The following LMNB2 variants were observed in gnomAD, a reference collection of about 807,000 sequenced individuals.
LMNB2 encodes lamin-B2.
Under a neutral mutation model 69.3 loss-of-function variants are expected in LMNB2, and 17 were observed. The ratio of observed to expected loss-of-function variants is 0.25; its 90% CI spans 0.17 to 0.37. The LOEUF is 0.37. LMNB2 is among the 10% of genes least tolerant of loss of function. The pLI, the probability that LMNB2 is intolerant of heterozygous loss-of-function variation, is 1.00. For missense variants in LMNB2, 789 were observed against 883.6 expected, an observed-to-expected ratio of 0.89 and a Z score of 1.36; for synonymous variants, 397 against 389.3, an observed-to-expected ratio of 1.02 and a Z score of -0.23.
At chr19:2,432,851 G>A (rs1235637318) in intron 8 of LMNB2, among the ~76,000 whole-genome samples, 8 of 56,324 alleles carry the variant, frequency 1.4e-4, no homozygotes, top group South Asian at 8.0e-4. Flanking sequence ...GGGTCACCCC[G>A]TTACCCCCAT....
rs779868941 is a variant in LMNB2 at position 2,433,833 on chromosome 19, G to A, written c.1475C>T (p.Ser492Leu). ...EGKFVQLKNN[S>L]DKDQSLGNWR... ...CCCGGTCTTTCCGGTCACCTTGTCC[G>A]AGTTGTTCTTGAGCTGCACAAACTT... The change falls in exon 8 of 12, where the codon TCG becomes TTG. Residue 492 changes from serine to leucine, a missense_variant. Physicochemically the swap from Ser to Leu is moderately radical, Grantham distance 145. This residue lies in a region of LMNB2 where 609 missense variants were observed against 630.9 expected (regional missense o/e 0.97). Coordinates refer to ENST00000325327, the MANE Select transcript of LMNB2 (RefSeq NM_032737.4). The A allele has an allele frequency of 5.6e-6, 9 of 1,611,332 alleles. No individual in the cohort carries two copies. The highest frequency in any genetic ancestry group is 2.2e-5 in the East Asian group (1 of 44,848).
Position 2,430,945 on chromosome 19 carries a change from G to T in LMNB2, c.1829C>A (p.Pro610Gln), listed in dbSNP as rs746824767. The T allele has an allele frequency of 6.2e-7, 1 of 1,609,200 alleles. No individual in the cohort carries two copies. Among genetic ancestry groups the T allele is most frequent in the Non-Finnish European group, 8.5e-7 (1 of 1,175,868 alleles). The change falls in exon 12 of 12, where the codon CCG (proline) becomes CAG (glutamine). Residue 610 changes from proline (P) to glutamine (Q), a missense_variant. Pro to Gln is a moderately conservative substitution (Grantham distance 76, BLOSUM62 -1). Transcript: ENST00000325327. Reference sequence around the variant, plus strand: ...GTAGCAGCCTCTTGAGGTGGTCCTCGGGTCCCCCTGCAGGAAGGAAGGAAG... The same window carrying T: ...GTAGCAGCCTCTTGAGGTGGTCCTCTGGTCCCCCTGCAGGAAGGAAGGAAG... ...EEDLFHQQGD[P>Q]RTTSRGCYVM
rs929071750 is a variant in LMNB2, at chr19:2,444,692, T to A, written c.265-152A>T. ...CCTGGGGACACTGGGACACCCTGTG[T>A]TGCCCATCTCACAGACACAGCAAAG... On this transcript the variant is annotated intron_variant, in intron 1 of 11. Coordinates refer to ENST00000325327, the MANE Select transcript of LMNB2 (RefSeq NM_032737.4). 16 of 1,053,870 alleles carry A rather than the reference T, an allele frequency of 1.5e-5. No individual in the cohort carries two copies. In the Admixed American group the frequency reaches 3.1e-4, roughly 20 times the overall value. The allele number at this position is 1,053,870 out of a possible 1,614,324, so 65.3% of individuals were successfully genotyped here. A position where few individuals can be genotyped will look rare whatever the true frequency, so the allele number is the denominator to read the frequency against.
At chr19:2,436,750 TCCACGGCCGCCCTTCCGCCC>T (rs1211029957) in intron 4 of LMNB2, 16 of 152,944 alleles carry the variant, frequency 1.0e-4, no homozygotes, top group South Asian at 6.9e-4. Context: ...CGCACCCACC[TCCACGGCCGCCCTTCCGCCC>T]CCACGGCCGC....
chr19:2,448,890 C>T (rs1023566829), intron 1 of LMNB2, among the ~76,000 whole-genome samples: 1 of 152,084 alleles, frequency 6.6e-6, no homozygotes, highest in African/African-American at 2.4e-5. Flanking sequence ...CTTACTGCAC[C>T]TTTCTTGTGT....
intron 1 of LMNB2, among the ~76,000 whole-genome samples, chr19:2,450,549 G>A (rs977847119): frequency 2.0e-5 from 3 of 151,430 alleles, no homozygotes; most frequent in Non-Finnish European, 4.4e-5. Context: ...AGGCTGAGGC[G>A]GGCAGATCAC....
rs1293095675 is a variant in LMNB2, at chr19:2,438,650, C to T, written c.402-119G>A. Reference sequence around the variant, plus strand: ...GTCACCGAGGCCTCCGAGCCCCAGACCTTCCCGTCCTGCAGACGACGCGGC... The same window carrying T: ...GTCACCGAGGCCTCCGAGCCCCAGATCTTCCCGTCCTGCAGACGACGCGGC... On this transcript the variant is annotated intron_variant, in intron 2 of 11. Transcript: ENST00000325327. The T allele has an allele frequency of 4.8e-6, 6 of 1,251,808 alleles. No individual in the cohort carries two copies. In the Admixed American group the frequency reaches 1.2e-4, roughly 25 times the overall value. 77.5% of individuals were successfully genotyped at this position (1,251,808 alleles called of 1,614,324 possible). A position where few individuals can be genotyped will look rare whatever the true frequency, so the allele number is the denominator to read the frequency against.
chr19:2,450,135 T>TATATATATATATA (rs1568208688), intron 1 of LMNB2, among the ~76,000 whole-genome samples: 1 of 151,314 alleles, frequency 6.6e-6, no homozygotes, highest in African/African-American at 2.4e-5. Flanking sequence ...TATATATATA[T>TATATATATATATA]TCCATTAAAA....
rs934584811 is a variant in LMNB2, at chr19:2,429,350, C to T, written c.*1561G>A. 1 of 152,428 alleles carries T rather than the reference C, an allele frequency of 6.6e-6. No individual in the cohort carries two copies. The highest frequency in any genetic ancestry group is 6.5e-5 in the Admixed American group (1 of 15,314). The allele number at this position is 152,428 out of a possible 1,614,324, so 9.4% of individuals were successfully genotyped here. A position where few individuals can be genotyped will look rare whatever the true frequency, so the allele number is the denominator to read the frequency against. On this transcript the variant is annotated 3_prime_UTR_variant, in exon 12 of 12. Transcript: ENST00000325327. ...CTGACTGGGAGCACAGCGGCGTAGC[C>T]TCCAGGAGGAAATGCTTTGGTAAGA...
At chr19:2,442,204 C>G (rs1971907119) in intron 2 of LMNB2, among the ~76,000 whole-genome samples, 1 of 152,104 alleles carries the variant, frequency 6.6e-6, no homozygotes, top group Non-Finnish European at 1.5e-5. Context: ...ATACCTATAC[C>G]CAGTGCTTTG....
intron 6 of LMNB2, 27 bp downstream of exon 6, chr19:2,434,761 G>T: frequency 6.3e-7 from 1 of 1,588,830 alleles, no homozygotes; most frequent in South Asian, 1.1e-5. Flanking sequence ...CCAGGGGGAC[G>T]GCAGACGGTG....
intron 2 of LMNB2, among the ~76,000 whole-genome samples, chr19:2,440,151 T>A (rs890722998): frequency 6.6e-6 from 1 of 151,918 alleles, no homozygotes; most frequent in Non-Finnish European, 1.5e-5. Flanking sequence ...TTTATCTATA[T>A]AATCTATGTC....
Position 2,456,923 on chromosome 19 carries a change from G to T in LMNB2, c.11C>A (p.Pro4Gln). The T allele has an allele frequency of 3.0e-6, 3 of 994,224 alleles. No individual in the cohort carries two copies. The highest frequency in any genetic ancestry group is 1.8e-5 in the African/African-American group (1 of 56,722). The allele number at this position is 994,224 out of a possible 1,614,324, so 61.6% of individuals were successfully genotyped here. MSP[P>Q]SPGRRREQRR... ...CTGCTCCCGACGGCGGCCCGGGCTCGGCGGGCTCATTCAATCCGCGCCGCC... is the reference window on the plus strand; with the variant it reads ...CTGCTCCCGACGGCGGCCCGGGCTCTGCGGGCTCATTCAATCCGCGCCGCC... Residue 4 changes from proline to glutamine, a missense_variant, in exon 1 of 12, where the codon CCG becomes CAG. Pro to Gln is a moderately conservative substitution (Grantham distance 76). Around this residue, in one of 3 missense-constraint regions of LMNB2, gnomAD observed 35 missense variants for 23.9 expected, o/e 1.47. Coordinates refer to ENST00000325327, the MANE Select transcript of LMNB2 (RefSeq NM_032737.4).
At chr19:2,436,823 T>A (rs554849269) in intron 4 of LMNB2, 1 of 152,934 alleles carries the variant, frequency 6.5e-6, no homozygotes, top group Non-Finnish European at 1.5e-5. Flanking sequence ...CAGGCCTGCA[T>A]CATCAAGCTC....
At chr19:2,432,624 C>T in intron 8 of LMNB2, 101 bp from the exon 9 acceptor site, 1 of 943,412 alleles carries the variant, frequency 1.1e-6, no homozygotes, top group Non-Finnish European at 1.7e-6. Context: ...TGGTCACCCC[C>T]ACCAGCTAGG....
chr19:2,443,479 C>T lies in LMNB2; in HGVS notation c.401+925G>A, dbSNP rs1335618185. Reference sequence around the variant, plus strand: ...TCAAGCCACTGGCTGCTGTCACCCCCGTACCAGGTGGCCGAGGTGCCACCC... The same window carrying T: ...TCAAGCCACTGGCTGCTGTCACCCCTGTACCAGGTGGCCGAGGTGCCACCC... On this transcript the variant is annotated intron_variant, in intron 2 of 11. Coordinates refer to ENST00000325327, the MANE Select transcript of LMNB2 (RefSeq NM_032737.4). This position sits in a 1 kb window ranked among gnomAD's most constrained non-coding sequence, Gnocchi z 6.2. 3.3e-5 allele frequency among the ~76,000 whole-genome samples: 5 copies of T among 151,264 alleles called. No individual in the cohort carries two copies. Among genetic ancestry groups the T allele is most frequent in the Non-Finnish European group, 7.4e-5 (5 of 67,804 alleles).
intron 9 of LMNB2, 93 bp downstream of exon 9, chr19:2,432,323 C>T: frequency 2.3e-6 from 2 of 886,036 alleles, no homozygotes; most frequent in Non-Finnish European, 3.6e-6. Context: ...CCATCATCCC[C>T]ACCCACCCCC....
rs1272405890 is a variant in LMNB2, at chr19:2,434,576, C to T, written c.982-61G>A. On this transcript the variant is annotated intron_variant, in intron 6 of 11. Transcript: ENST00000325327. ...CCATGGGTCACAAGGCCCAGGTGAT[C>T]CTGGGACTGCGGGAGATGGGCCCTC... The T allele has an allele frequency of 3.8e-6, 6 of 1,569,728 alleles. No homozygotes were observed. The East Asian group carries it at 1.4e-4, about 36-fold the overall frequency.
chr19:2,431,503 C>A (rs1300097595), intron 11 of LMNB2, 45 bp downstream of exon 11: 1 of 1,612,770 alleles, frequency 6.2e-7, no homozygotes, highest in East Asian at 2.2e-5. Flanking sequence ...GCTCACTCTG[C>A]CCCAGAGGCT....
Sources: gnomAD v4.1 joint callset for allele counts (sites outside exome capture counted in the v4.1 genomes callset) on GRCh38, gnomAD v4.1.1 for gene constraint, gnomAD v4.1.1 regional missense constraint, Gnocchi (gnomAD v3.1) non-coding constraint, MANE v1.5 for transcripts, NCBI Gene and HGNC (gene_info 2026-07-23, HGNC 2026-07-21) for gene names.